Variants in EP300 observed in about 807,000 individuals in gnomAD.
EP300 encodes EP300 lysine acetyltransferase, also known as histone acetyltransferase p300.
EP300 carries 31 observed loss-of-function variants against 264.0 expected under a neutral mutation model. The observed-to-expected ratio is 0.12, with a 90% CI of 0.09 to 0.16. The LOEUF (loss-of-function observed/expected upper bound fraction) is 0.16. Ranked by LOEUF, EP300 falls within the 10% of genes least tolerant of loss-of-function variation. The pLI, the probability that EP300 is intolerant of heterozygous loss-of-function variation, is 1.00. For missense variants in EP300, 2,766 were observed against 3,052.9 expected, an observed-to-expected ratio of 0.91 and a Z score of 2.21; for synonymous variants, 1,340 against 1,045.4, an observed-to-expected ratio of 1.28 and a Z score of -5.44.
intron 14 of EP300, among the ~76,000 whole-genome samples, chr22:41,150,752 A>G (rs1202347199): frequency 1.3e-5 from 2 of 151,982 alleles, no homozygotes; most frequent in African/African-American, 2.4e-5. Context: ...TTAGCCAGAC[A>G]TGGTAGCGGG....
At chr22:41,134,933 C>T (rs1292892629) in intron 6 of EP300, among the ~76,000 whole-genome samples, 2 of 143,794 alleles carry the variant, frequency 1.4e-5, no homozygotes, top group Non-Finnish European at 2.9e-5. Context: ...TTTGAGACAA[C>T]ATCTCACTCT....
chr22:41,172,013 G>C (rs1156355140), intron 27 of EP300, among the ~76,000 whole-genome samples: 1 of 152,164 alleles, frequency 6.6e-6, no homozygotes, highest in Non-Finnish European at 1.5e-5. Context: ...ACTAAATAAA[G>C]AAGTTTTCCT....
chr22:41,115,387 G>A (rs2058815468), intron 1 of EP300, among the ~76,000 whole-genome samples: 1 of 152,182 alleles, frequency 6.6e-6, no homozygotes, highest in Admixed American at 6.5e-5. Context: ...AATGTTAATA[G>A]TGCCAGGGTT....
rs1283746845 is a variant in EP300 at position 41,179,126 on chromosome 22, C to T, written c.*170C>T. 2 of 695,572 alleles carry T rather than the reference C, an allele frequency of 2.9e-6. No individual in the cohort carries two copies. Among genetic ancestry groups the T allele is most frequent in the African/African-American group, 3.6e-5 (2 of 55,652 alleles). 43.1% of individuals were successfully genotyped at this position (695,572 alleles called of 1,614,324 possible). ...GTTTAAAGCAAACATGCAAGATGAA[C>T]CTGAGGGATGATAGAATACAAAGAA... On this transcript the variant is annotated 3_prime_UTR_variant, in exon 31 of 31. Coordinates refer to ENST00000263253, the MANE Select transcript of EP300 (RefSeq NM_001429.4).
At chr22:41,118,950 T>A (rs996244341) in intron 2 of EP300, among the ~76,000 whole-genome samples, 1 of 151,490 alleles carries the variant, frequency 6.6e-6, no homozygotes, top group Non-Finnish European at 1.5e-5. Context: ...AAGTTAGGAT[T>A]CTGTTTTAGC....
At chr22:41,136,978 T>C (rs1173332345) in intron 7 of EP300, among the ~76,000 whole-genome samples, 1 of 152,024 alleles carries the variant, frequency 6.6e-6, no homozygotes, top group Non-Finnish European at 1.5e-5. Flanking sequence ...GAGAATCGCT[T>C]GAACCCCGGA....
chr22:41,114,182 T>C (rs1313901863), intron 1 of EP300, among the ~76,000 whole-genome samples: 1 of 152,070 alleles, frequency 6.6e-6, no homozygotes, highest in African/African-American at 2.4e-5. Context: ...TTTGTTGTTG[T>C]TGTTGTTGTT....
intron 2 of EP300, among the ~76,000 whole-genome samples, chr22:41,122,157 C>CTTTTTTTT (rs71328774): frequency 2.5e-4 from 9 of 35,852 alleles, no homozygotes; most frequent in African/African-American, 4.2e-4. Context: ...TCTTCTTCTT[C>CTTTTTTTT]TTTTTTTTTT....
At chr22:41,156,767 C>T (rs1307348135) in intron 17 of EP300, among the ~76,000 whole-genome samples, 1 of 151,946 alleles carries the variant, frequency 6.6e-6, no homozygotes, top group African/African-American at 2.4e-5. Context: ...CCTTTTAGGA[C>T]TTTTCCTCTC....
chr22:41,126,458 C>G (rs2058883188), intron 3 of EP300: 1 of 166,650 alleles, frequency 6.0e-6, no homozygotes, highest in Non-Finnish European at 1.3e-5. Flanking sequence ...AATTCCCTCT[C>G]AAAAGTAATG....
At chr22:41,108,991 C>T (rs1269447688) in intron 1 of EP300, among the ~76,000 whole-genome samples, 1 of 152,106 alleles carries the variant, frequency 6.6e-6, no homozygotes, top group Non-Finnish European at 1.5e-5. Context: ...TACTTGCTGG[C>T]CCAGCGCCGT....
At position 41,178,919 on chromosome 22, in the gene EP300, A is replaced by C; in HGVS notation, c.7208A>C (p.Asn2403Thr). The stretch of plus-strand genomic sequence containing the variant: ...CTCAGCACCGATAACTCAGACTTGA[A>C]TTCAAACCTCTCACAGAGTACACTA... ...LGLSTDNSDL[N>T]SNLSQSTLDI... The change falls in exon 31 of 31, where the codon AAT (asparagine) becomes ACT (threonine). Residue 2403 changes from asparagine (N) to threonine (T), a missense_variant. Physicochemically the swap from Asn to Thr is moderately conservative, Grantham distance 65. Coordinates refer to ENST00000263253, the MANE Select transcript of EP300 (RefSeq NM_001429.4). The C allele has an allele frequency of 6.2e-7, 1 of 1,614,242 alleles. No homozygotes were observed. The highest frequency in any genetic ancestry group is 8.5e-7 in the Non-Finnish European group (1 of 1,180,050).
rs1214250106 is a variant in EP300 at position 41,157,512 on chromosome 22, C to CTTTTTTTTTTT, written c.3501+116_3501+126dup. ...TATCCTGCTTCTGGCTTTGACATGGCTTTTTTTTTTTTTTTTTTTTTTCCT... is the reference window on the plus strand; with the variant it reads ...TATCCTGCTTCTGGCTTTGACATGGCTTTTTTTTTTTTTTTTTTTTTTTTTTTTTTTTTCCT... On this transcript the variant is annotated intron_variant, in intron 18 of 30. Transcript: ENST00000263253. 7.0e-5 allele frequency: 31 copies of CTTTTTTTTTTT among 444,398 alleles called. 2 individuals are homozygous for CTTTTTTTTTTT. The highest frequency in any genetic ancestry group is 5.7e-4 in the African/African-American group (19 of 33,068). The allele number at this position is 444,398 out of a possible 1,614,324, so 27.5% of individuals were successfully genotyped here.
intron 30 of EP300, 62 bp from the exon 31 acceptor site, chr22:41,176,711 A>G (rs2077733544): frequency 1.2e-6 from 2 of 1,613,186 alleles, no homozygotes; most frequent in African/African-American, 1.3e-5. Context: ...AACAATATCT[A>G]AAATACTTTT....
chr22:41,173,919 C>T, intron 29 of EP300, 135 bp downstream of exon 29: 1 of 994,306 alleles, frequency 1.0e-6, no homozygotes, highest in Non-Finnish European at 1.6e-6. Context: ...CAAGACCAGC[C>T]TGACCAACAC....
At chr22:41,105,335 C>T (rs1456496025) in intron 1 of EP300, among the ~76,000 whole-genome samples, 1 of 146,284 alleles carries the variant, frequency 6.8e-6, no homozygotes, top group African/African-American at 2.5e-5. Context: ...ACCTGGGCCA[C>T]GAGAGTGAAA....
At chr22:41,130,254 TAAAAA>T (rs11388493) in intron 5 of EP300, among the ~76,000 whole-genome samples, 1 of 134,868 alleles carries the variant, frequency 7.4e-6, no homozygotes, top group African/African-American at 2.8e-5. Flanking sequence ...CTGCCTCAAT[TAAAAA>T]AAAAAAAAAA....
chr22:41,115,666 C>A (rs1456854728), intron 1 of EP300, among the ~76,000 whole-genome samples: 1 of 152,118 alleles, frequency 6.6e-6, no homozygotes, highest in Non-Finnish European at 1.5e-5. Flanking sequence ...CCTGCCTTGG[C>A]CTTCTAAAGT....
chr22:41,095,260 G>C (rs1415997548), intron 1 of EP300, among the ~76,000 whole-genome samples: 1 of 60,856 alleles, frequency 1.6e-5, no homozygotes, highest in African/African-American at 5.5e-5. Flanking sequence ...TTTTTTTTGA[G>C]ATGGAGTCTC....
Sources: gnomAD v4.1 joint callset for allele counts (sites outside exome capture counted in the v4.1 genomes callset) on GRCh38, gnomAD v4.1.1 for gene constraint, MANE v1.5 for transcripts, NCBI Gene and HGNC (gene_info 2026-07-23, HGNC 2026-07-21) for gene names.